Variants in SLC30A8 observed in about 807,000 individuals in gnomAD.
The protein encoded by SLC30A8 is proton-coupled zinc antiporter SLC30A8.
A neutral mutation model predicts 36.9 loss-of-function variants in SLC30A8; 27 were observed. The observed-to-expected ratio is 0.73, with a 90% CI of 0.54 to 1.01. The LOEUF is 1.01. Ranked by LOEUF, SLC30A8 falls within the 50% of genes least tolerant of loss-of-function variation. SLC30A8 has a pLI of 0.00. For missense variants in SLC30A8, 439 were observed against 452.0 expected, an observed-to-expected ratio of 0.97 and a Z score of 0.26; for synonymous variants, 164 against 172.4, an observed-to-expected ratio of 0.95 and a Z score of 0.38.
At position 117,104,926 on chromosome 8, in the gene SLC30A8, G is replaced by C. The variant is rs575142949; in HGVS notation, c.-225-30354G>C. On this transcript the variant is annotated intron_variant, in intron 2 of 10. Coordinates refer to the SLC30A8 transcript ENST00000427715. ...AGGGTAACTTCCTGATGTTGTCATG[G>C]CATCTGTAAATTGTCATGGCACTGG... Among the ~76,000 whole-genome samples the C allele has an allele frequency of 3.3e-5, 5 of 152,200 alleles. No homozygotes were observed. The South Asian group carries it at 1.0e-3, about 32-fold the overall frequency.
At chr8:117,077,294 T>C (rs1818521033) in intron 2 of SLC30A8, among the ~76,000 whole-genome samples, 1 of 152,168 alleles carries the variant, frequency 6.6e-6, no homozygotes, top group African/African-American at 2.4e-5. Context: ...TAGATGGAAA[T>C]TTCAATATTT....
At chr8:117,007,687 T>A (rs933126694) in intron 1 of SLC30A8, among the ~76,000 whole-genome samples, 2 of 152,196 alleles carry the variant, frequency 1.3e-5, no homozygotes, top group African/African-American at 4.8e-5. Flanking sequence ...TCACAACAAC[T>A]CTGCTGGATA....
intron 1 of SLC30A8, among the ~76,000 whole-genome samples, chr8:116,975,977 A>G (rs1814987420): frequency 6.6e-6 from 1 of 152,176 alleles, no homozygotes; most frequent in Non-Finnish European, 1.5e-5. Flanking sequence ...CTGTTCAAAT[A>G]TGGGAGAGGA....
intron 2 of SLC30A8, among the ~76,000 whole-genome samples, chr8:117,104,615 C>T (rs113377123): frequency 3.2e-4 from 48 of 152,220 alleles, no homozygotes; most frequent in African/African-American, 1.0e-3. Flanking sequence ...ATTTCTGTTA[C>T]CAAAAGGGGG....
intron 1 of SLC30A8, among the ~76,000 whole-genome samples, chr8:116,961,065 A>C (rs1215601322): frequency 2.0e-5 from 3 of 152,210 alleles, no homozygotes; most frequent in African/African-American, 7.2e-5. Flanking sequence ...AAATGAAATA[A>C]AACTGTTTAT....
chr8:117,055,263 T>C (rs1430499486), intron 2 of SLC30A8, among the ~76,000 whole-genome samples: 1 of 152,182 alleles, frequency 6.6e-6, no homozygotes, highest in Non-Finnish European at 1.5e-5. Context: ...TGGAAAAAGA[T>C]GACAAAGAAT....
chr8:117,098,726 G>T (rs893933131), intron 2 of SLC30A8, among the ~76,000 whole-genome samples: 1 of 152,152 alleles, frequency 6.6e-6, no homozygotes, highest in African/African-American at 2.4e-5. Context: ...AGGGGAGATT[G>T]TCCCTCTGTT....
intron 2 of SLC30A8, among the ~76,000 whole-genome samples, chr8:117,095,878 T>C (rs1819338180): frequency 6.6e-6 from 1 of 152,212 alleles, no homozygotes; most frequent in Non-Finnish European, 1.5e-5. Flanking sequence ...TTTAGTATTA[T>C]GGAGTAAATG....
intron 2 of SLC30A8, among the ~76,000 whole-genome samples, chr8:117,112,090 T>C (rs758239565): frequency 6.6e-6 from 1 of 152,130 alleles, no homozygotes; most frequent in Admixed American, 6.5e-5. Flanking sequence ...ATTTCAGGTA[T>C]CATTTTCTCT....
Position 117,135,380 on chromosome 8 carries a change from A to T in SLC30A8, c.53A>T (p.Tyr18Phe). 6.3e-7 allele frequency: 1 copy of T among 1,599,860 alleles called. No homozygotes were observed. Among genetic ancestry groups the T allele is most frequent in the Non-Finnish European group, 8.5e-7 (1 of 1,171,412 alleles). Residue 18 changes from tyrosine (Y) to phenylalanine (F), a missense_variant, in exon 1 of 8, where the codon TAT (tyrosine) becomes TTT (phenylalanine). Physicochemically the swap from Tyr to Phe is conservative, Grantham distance 22. Coordinates refer to ENST00000456015, the MANE Select transcript of SLC30A8 (RefSeq NM_173851.3). Reference sequence around the variant, plus strand: ...GTGAATGATAAAGCTGCCAAGATGTATGCTTTCACACTAGAAAGGTAATAG... The same window carrying T: ...GTGAATGATAAAGCTGCCAAGATGTTTGCTTTCACACTAGAAAGGTAATAG... ...YLVNDKAAKM[Y>F]AFTLESVELQ... is the part of the protein sequence containing the mutation.
chr8:117,121,881 A>G (rs917078223), intron 2 of SLC30A8, among the ~76,000 whole-genome samples: 1 of 151,952 alleles, frequency 6.6e-6, no homozygotes, highest in African/African-American at 2.4e-5. Flanking sequence ...ATGAAGTTTC[A>G]GTTAAGCAAC....
At chr8:117,080,208 T>C (rs1047775256) in intron 2 of SLC30A8, among the ~76,000 whole-genome samples, 2 of 152,228 alleles carry the variant, frequency 1.3e-5, no homozygotes, top group Admixed American at 6.5e-5. Context: ...CCATGGTCAT[T>C]ATAGAAAAAG....
chr8:117,060,616 A>G (rs758691876), intron 2 of SLC30A8, among the ~76,000 whole-genome samples: 7 of 152,318 alleles, frequency 4.6e-5, no homozygotes, highest in Non-Finnish European at 7.3e-5. Context: ...AATGTGCTCT[A>G]TAAAGATTCT....
chr8:117,043,632 C>A (rs1817457914), intron 2 of SLC30A8, among the ~76,000 whole-genome samples: 1 of 152,178 alleles, frequency 6.6e-6, no homozygotes, highest in Non-Finnish European at 1.5e-5. Context: ...AGACACTTTT[C>A]CCCCATAGAA....
intron 2 of SLC30A8, chr8:117,147,468 C>CCTG: frequency 8.1e-6 from 2 of 247,564 alleles, no homozygotes; most frequent in African/African-American, 2.2e-5. Context: ...CTGTCAAATA[C>CCTG]TCCTCAAAAA....
chr8:116,974,764 A>G (rs1292690442), intron 1 of SLC30A8, among the ~76,000 whole-genome samples: 1 of 152,152 alleles, frequency 6.6e-6, no homozygotes, highest in African/African-American at 2.4e-5. Context: ...ACTATTCACA[A>G]TAACAGAGAC....
intron 2 of SLC30A8, among the ~76,000 whole-genome samples, chr8:117,046,385 A>T (rs1031863900): frequency 1.3e-5 from 2 of 152,210 alleles, no homozygotes; most frequent in Non-Finnish European, 2.9e-5. Flanking sequence ...ATGCCCAGAT[A>T]ATTCCAAACA....
chr8:117,079,001 T>C (rs1347023990), intron 2 of SLC30A8, among the ~76,000 whole-genome samples: 2 of 151,944 alleles, frequency 1.3e-5, no homozygotes, highest in Non-Finnish European at 2.9e-5. Context: ...ATTCTCTTTT[T>C]TCTTTTCTCT....
chr8:116,991,122 G>T (rs1045742890), intron 1 of SLC30A8, among the ~76,000 whole-genome samples: 3 of 152,036 alleles, frequency 2.0e-5, no homozygotes, highest in African/African-American at 7.2e-5. Context: ...TACTATAGAA[G>T]AATTTTTCCT....
Sources: allele counts gnomAD v4.1 joint callset (sites outside exome capture counted in the v4.1 genomes callset), GRCh38; gene constraint gnomAD v4.1.1; transcripts MANE v1.5; gene names NCBI Gene and HGNC (gene_info 2026-07-23, HGNC 2026-07-21).